Variants in TSNARE1 observed in about 807,000 individuals in gnomAD.
TSNARE1 encodes t-SNARE domain containing 1, also known as t-SNARE domain-containing protein 1.
TSNARE1 carries 49 observed loss-of-function variants against 62.0 expected under a neutral mutation model. The ratio of observed to expected loss-of-function variants is 0.79; its 90% CI spans 0.63 to 1.00. The LOEUF is 1.00. Ranked by LOEUF, TSNARE1 falls within the 50% of genes least tolerant of loss-of-function variation. The pLI is 0.00. For synonymous variants in TSNARE1, 328 were observed against 294.4 expected (o/e 1.11, Z -1.17); for missense variants, 755 against 700.1 (o/e 1.08, Z -0.88).
chr8:142,406,370 G>A (rs1838584445), upstream of TSNARE1: 1 of 152,268 alleles, frequency 6.6e-6, no homozygotes, highest in Non-Finnish European at 1.5e-5. Context: ...CGTTCTATTA[G>A]CTGCGTCCTG....
In TSNARE1 at chr8:142,274,848, C is replaced by G; in HGVS notation, c.1379G>C (p.Ser460Thr). Residue 460 changes from serine (S) to threonine (T), a missense_variant, in exon 12 of 14, where the codon AGC becomes ACC. Coordinates refer to ENST00000524325, the MANE Select transcript of TSNARE1 (RefSeq NM_145003.5). The part of the protein sequence containing the change: ...QGEAVDSIEA[S>T]LEAASSHAEA... ...CGCATGCGAGGACGCAGCCTCAAGGCTGGCTTCAATACTATCTGCAAATCA... is the reference window on the plus strand; with the variant it reads ...CGCATGCGAGGACGCAGCCTCAAGGGTGGCTTCAATACTATCTGCAAATCA... The G allele has an allele frequency of 6.3e-7, 1 of 1,576,704 alleles. No homozygotes were observed. Among genetic ancestry groups the G allele is most frequent in the Non-Finnish European group, 8.6e-7 (1 of 1,162,214 alleles).
At chr8:142,222,960 T>TCATTCACTCATC in intron 13 of TSNARE1, among the ~76,000 whole-genome samples, 1 of 136,188 alleles carries the variant, frequency 7.3e-6, no homozygotes, top group Admixed American at 7.3e-5. Context: ...ATCCACTCAC[T>TCATTCACTCATC]CACTCATTCA....
intron 11 of TSNARE1, among the ~76,000 whole-genome samples, chr8:142,281,706 G>A (rs1017615282): frequency 1.3e-5 from 2 of 152,102 alleles, no homozygotes; most frequent in African/African-American, 4.8e-5. Flanking sequence ...AGGAAGGGCT[G>A]TGGCCCAGGG....
chr8:142,223,050 A>ATTCACTCACTCACTCATTCACTCACTC (rs1816510948), intron 13 of TSNARE1, among the ~76,000 whole-genome samples: 1 of 144,632 alleles, frequency 6.9e-6, no homozygotes, highest in Non-Finnish European at 1.5e-5. Context: ...TCACTCACTC[A>ATTCACTCACTCACTCATTCACTCACTC]TTCACTCATT....
intron 1 of TSNARE1, among the ~76,000 whole-genome samples, chr8:142,375,202 G>A (rs1397619103): frequency 1.3e-5 from 2 of 152,244 alleles, no homozygotes; most frequent in South Asian, 4.1e-4. Flanking sequence ...ATCTGCTTCT[G>A]GGTGCCCGTG....
chr8:142,212,491 CTCCTGGCCCTGG>C (rs1815591854), intron 13 of TSNARE1, among the ~76,000 whole-genome samples, 178 bp from the exon 14 acceptor site: 1 of 152,044 alleles, frequency 6.6e-6, no homozygotes, highest in African/African-American at 2.4e-5. Context: ...AGACCAGACT[CTCCTGGCCCTGG>C]TCAGGCTCCA....
chr8:142,270,281 T>C, intron 12 of TSNARE1: 1 of 985,408 alleles, frequency 1.0e-6, no homozygotes, highest in Non-Finnish European at 1.2e-6. Context: ...CGCAGGGAAG[T>C]GCCCAGGCCC....
chr8:142,251,992 C>T (rs1207474785), intron 12 of TSNARE1, among the ~76,000 whole-genome samples: 1 of 142,626 alleles, frequency 7.0e-6, no homozygotes, highest in East Asian at 2.2e-4. Flanking sequence ...ACCATGTACC[C>T]GCCACTCGCG....
At chr8:142,389,051 GACAA>G (rs1376419443) in intron 1 of TSNARE1, among the ~76,000 whole-genome samples, 3 of 152,196 alleles carry the variant, frequency 2.0e-5, no homozygotes, top group East Asian at 3.9e-4. Flanking sequence ...CATAAAAACA[GACAA>G]ACAGCCTAAC....
At chr8:142,260,133 G>C (rs572648708) in intron 12 of TSNARE1, among the ~76,000 whole-genome samples, 1 of 151,856 alleles carries the variant, frequency 6.6e-6, no homozygotes, top group Non-Finnish European at 1.5e-5. Context: ...TCCTTCCTCC[G>C]GTCTCCACAG....
At chr8:142,303,665 C>A (rs906504335) in intron 9 of TSNARE1, among the ~76,000 whole-genome samples, 3 of 152,256 alleles carry the variant, frequency 2.0e-5, no homozygotes, top group Non-Finnish European at 4.4e-5. Context: ...GATCTACAAA[C>A]AAGCACTTCA....
chr8:142,333,289 C>T (rs749869254), intron 4 of TSNARE1, among the ~76,000 whole-genome samples: 2 of 152,134 alleles, frequency 1.3e-5, no homozygotes, highest in African/African-American at 2.4e-5. Flanking sequence ...GAGCTCGCTC[C>T]GAAACGCATG....
chr8:142,217,244 AAAAATAAAATAAT>A (rs1815882740), intron 13 of TSNARE1, among the ~76,000 whole-genome samples: 1 of 151,258 alleles, frequency 6.6e-6, no homozygotes, highest in Non-Finnish European at 1.5e-5. Context: ...ACTCTGTCTC[AAAAATAAAATAAT>A]AAAATAAAAT....
In TSNARE1 at chr8:142,229,017, T is replaced by TGATG. The variant is rs749236436; in HGVS notation, c.*11+452_*11+455dup. 2.4e-4 allele frequency among the ~76,000 whole-genome samples: 35 copies of TGATG among 145,082 alleles called. No individual in the cohort carries two copies. In the South Asian group the frequency reaches 2.5e-3, roughly 10 times the overall value. On this transcript the variant is annotated intron_variant, in intron 13 of 13. Transcript: ENST00000524325. Reference sequence around the variant, plus strand: ...ATGGTGGATAGATGGGTGGATGAGTTGATGGATGGATGGATGGATGGGTGG... The same window carrying TGATG: ...ATGGTGGATAGATGGGTGGATGAGTTGATGGATGGATGGATGGATGGATGGGTGG...
rs367789355 is a variant in TSNARE1 at position 142,254,557 on chromosome 8, G to A, written c.1446+20224C>T. Among the ~76,000 whole-genome samples the A allele has an allele frequency of 3.7e-3, 569 of 152,296 alleles. 2 individuals carry two copies. Among genetic ancestry groups the A allele is most frequent in the Middle Eastern group, 6.8e-3 (2 of 294 alleles). ...TGCTTCACCTCTCATGTTCTTCCCT[G>A]AGCGGCCCCTTCTCTGGCTCATCCC... On this transcript the variant is annotated intron_variant, in intron 12 of 13. Transcript: ENST00000524325.
intron 9 of TSNARE1, among the ~76,000 whole-genome samples, chr8:142,313,170 G>A (rs147187596): frequency 0.017 from 2,552 of 151,062 alleles, 38 homozygotes; most frequent in Middle Eastern, 0.079. Context: ...GTGTCTCTGT[G>A]TGTTTATCTG....
chr8:142,217,197 T>G (rs528775817), intron 13 of TSNARE1, among the ~76,000 whole-genome samples: 1 of 151,514 alleles, frequency 6.6e-6, no homozygotes, highest in South Asian at 2.1e-4. Flanking sequence ...TGAGCCGAGA[T>G]AGGGCCACTG....
At chr8:142,377,440 T>C (rs1378715025) in intron 1 of TSNARE1, among the ~76,000 whole-genome samples, 2 of 151,898 alleles carry the variant, frequency 1.3e-5, no homozygotes, top group East Asian at 3.8e-4. Flanking sequence ...GCAACAAACA[T>C]GACAAAGGCT....
chr8:142,299,703 C>T (rs1447817191), intron 10 of TSNARE1, among the ~76,000 whole-genome samples: 5 of 152,144 alleles, frequency 3.3e-5, no homozygotes, highest in Admixed American at 6.5e-5. Flanking sequence ...TGCACACACA[C>T]GCACTCACGC....
Sources: gnomAD v4.1 joint callset for allele counts (sites outside exome capture counted in the v4.1 genomes callset) on GRCh38, gnomAD v4.1.1 for gene constraint, MANE v1.5 for transcripts, NCBI Gene and HGNC (gene_info 2026-07-23, HGNC 2026-07-21) for gene names.